EMP2: variants seen among roughly 807,000 people sequenced by gnomAD.
The protein encoded by EMP2 is epithelial membrane protein 2.
A neutral mutation model predicts 13.7 loss-of-function variants in EMP2; 19 were observed. That is an observed-to-expected ratio of 1.38 (90% CI 0.97 to 2.03). EMP2 has a LOEUF of 2.03. Ranked by LOEUF, EMP2 falls within the 30% of genes most tolerant of loss-of-function variation. The pLI, the probability that EMP2 is intolerant of heterozygous loss-of-function variation, is 0.00. For synonymous variants in EMP2, 97 were observed against 84.7 expected, an observed-to-expected ratio of 1.15 and a Z score of -0.80; for missense variants, 253 against 220.7, an observed-to-expected ratio of 1.15 and a Z score of -0.93.
chr16:10,547,431 C>T, intron 2 of EMP2, 109 bp downstream of exon 2: 3 of 1,165,024 alleles, frequency 2.6e-6, no homozygotes, highest in South Asian at 1.5e-5. Flanking sequence ...TATAAATTAC[C>T]TAGTCTCTGG....
At chr16:10,561,518 T>C (rs2050871225) in intron 1 of EMP2, among the ~76,000 whole-genome samples, 2 of 151,938 alleles carry the variant, frequency 1.3e-5, no homozygotes, top group African/African-American at 4.8e-5. Context: ...CAAGAGCACA[T>C]GATGGGACCC....
intron 1 of EMP2, among the ~76,000 whole-genome samples, chr16:10,554,188 T>A (rs1012143043): frequency 6.6e-6 from 1 of 152,098 alleles, no homozygotes; most frequent in Non-Finnish European, 1.5e-5. Context: ...TGGGCCACCA[T>A]GCCCAGCTAA....
chr16:10,542,419 CAAAA>C (rs2050707171), intron 3 of EMP2, among the ~76,000 whole-genome samples: 1 of 140,514 alleles, frequency 7.1e-6, no homozygotes, highest in Admixed American at 7.5e-5. Context: ...AACAAACAAA[CAAAA>C]ACCAAAAAAC....
chr16:10,547,107 C>A (rs558036573), intron 2 of EMP2: 1 of 154,318 alleles, frequency 6.5e-6, no homozygotes, highest in Admixed American at 6.5e-5. Flanking sequence ...ACATTGAGAA[C>A]TTTGGCAGGG....
At chr16:10,573,890 A>G (rs2050964070) in intron 1 of EMP2, among the ~76,000 whole-genome samples, 5 of 148,440 alleles carry the variant, frequency 3.4e-5, no homozygotes, top group Admixed American at 2.0e-4. Context: ...AAACTCAGTA[A>G]TGCCATAAAG....
chr16:10,546,052 C>T (rs1008023821), intron 2 of EMP2: 4 of 152,208 alleles, frequency 2.6e-5, no homozygotes, highest in African/African-American at 7.2e-5. Flanking sequence ...GGCCCTGAGG[C>T]GCAGTTCCTT....
chr16:10,534,331 G>A (rs1341520693), intron 4 of EMP2, among the ~76,000 whole-genome samples: 2 of 152,192 alleles, frequency 1.3e-5, no homozygotes, highest in East Asian at 3.8e-4. Flanking sequence ...AGTGCTTGAC[G>A]CAGACGCTGC....
At chr16:10,551,446 G>A (rs1596374965) in intron 1 of EMP2, among the ~76,000 whole-genome samples, 1 of 152,148 alleles carries the variant, frequency 6.6e-6, no homozygotes. Flanking sequence ...TTGCTCCGTT[G>A]CCCAGGCTGG....
chr16:10,577,568 TC>T (rs2050992097), intron 1 of EMP2, among the ~76,000 whole-genome samples: 2 of 151,920 alleles, frequency 1.3e-5, no homozygotes, highest in South Asian at 2.1e-4. Context: ...ACCACACCAA[TC>T]CCCATTCCTT....
At position 10,543,562 on chromosome 16, in the gene EMP2, A is replaced by G. The variant is rs2050717139; in HGVS notation, c.169+8T>C. On this transcript the variant is annotated splice_region_variant and intron_variant, in intron 3 of 4. Coordinates refer to ENST00000359543, the MANE Select transcript of EMP2 (RefSeq NM_001424.6). ...GCTTCTCAGTCAGCTTCCTTCATTCACACTTACCTTGAAAGCTGTCATTGA... is the reference window on the plus strand; with the variant it reads ...GCTTCTCAGTCAGCTTCCTTCATTCGCACTTACCTTGAAAGCTGTCATTGA... 6.2e-7 allele frequency: 1 copy of G among 1,613,880 alleles called. No homozygotes were observed. The highest frequency in any genetic ancestry group is 1.1e-5 in the South Asian group (1 of 91,084).
At position 10,532,859 on chromosome 16, in the gene EMP2, G is replaced by C; in HGVS notation, c.*46C>G. 8.9e-7 allele frequency: 1 copy of C among 1,119,212 alleles called. No individual in the cohort carries two copies. The highest frequency in any genetic ancestry group is 1.1e-6 in the Non-Finnish European group (1 of 900,242). 69.3% of individuals were successfully genotyped at this position (1,119,212 alleles called of 1,614,324 possible). A position where few individuals can be genotyped will look rare whatever the true frequency, so the allele number is the denominator to read the frequency against. Reference sequence around the variant, plus strand: ...ATGATTATATACAAAATGGTTATCTGAATGTGGATTCTGTACTGCAGCAGA... The same window carrying C: ...ATGATTATATACAAAATGGTTATCTCAATGTGGATTCTGTACTGCAGCAGA... On this transcript the variant is annotated 3_prime_UTR_variant, in exon 5 of 5. Coordinates refer to ENST00000359543, the MANE Select transcript of EMP2 (RefSeq NM_001424.6).
At chr16:10,574,347 T>A (rs893894159) in intron 1 of EMP2, among the ~76,000 whole-genome samples, 5 of 152,120 alleles carry the variant, frequency 3.3e-5, no homozygotes, top group African/African-American at 1.2e-4. Flanking sequence ...GATATTCTAT[T>A]CCAATAATGC....
intron 3 of EMP2, among the ~76,000 whole-genome samples, chr16:10,540,207 G>A (rs561344932): frequency 6.6e-6 from 1 of 152,260 alleles, no homozygotes; most frequent in South Asian, 2.1e-4. Flanking sequence ...ACTTTGCTCA[G>A]TTTAAATTCC....
intron 1 of EMP2, among the ~76,000 whole-genome samples, chr16:10,558,233 C>T (rs948962367): frequency 1.3e-5 from 2 of 152,008 alleles, no homozygotes; most frequent in Non-Finnish European, 2.9e-5. Context: ...TGCTGTGTTG[C>T]CCAGGCTGGT....
At chr16:10,573,763 A>G (rs767249525) in intron 1 of EMP2, among the ~76,000 whole-genome samples, 2 of 152,176 alleles carry the variant, frequency 1.3e-5, no homozygotes, top group African/African-American at 2.4e-5. Flanking sequence ...GTCTCCTTCC[A>G]GACATTGTTC....
At position 10,533,019 on chromosome 16, in the gene EMP2, G is replaced by C; in HGVS notation, c.390C>G (p.Phe130Leu). 6.2e-7 allele frequency: 1 copy of C among 1,611,728 alleles called. No individual in the cohort carries two copies. Among genetic ancestry groups the C allele is most frequent in the Non-Finnish European group, 8.5e-7 (1 of 1,178,944 alleles). ...AGCTGCCTTCTCTGGTCACGGGATAGAATTTCGCGTTTTTGTCGTGAATGT... is the reference window on the plus strand; with the variant it reads ...AGCTGCCTTCTCTGGTCACGGGATACAATTTCGCGTTTTTGTCGTGAATGT... ...REDIHDKNAK[F>L]YPVTREGSYG... The change falls in exon 5 of 5, where the codon TTC (phenylalanine) becomes TTG (leucine). Residue 130 changes from phenylalanine (F) to leucine (L), a missense_variant. By Grantham distance (22) the Phe-to-Leu change is conservative. Transcript: ENST00000359543.
Position 10,532,946 on chromosome 16 carries a change from T to C in EMP2, c.463A>G (p.Ile155Val), listed in dbSNP as rs1484527543. Residue 155 changes from isoleucine (I) to valine (V), a missense_variant, in exon 5 of 5, where the codon ATC becomes GTC. By Grantham distance (29) the Ile-to-Val change is conservative (BLOSUM62 3). Transcript: ENST00000359543. ...LAWVAFACTF[I>V]SGMMYLILRK... ...AGTATCAGGTACATCATGCCGCTGA[T>C]GAAGGTGCAGGCGAAGGCCACCCAC... The C allele has an allele frequency of 1.2e-6, 2 of 1,604,416 alleles. No homozygotes were observed. Among genetic ancestry groups the C allele is most frequent in the Non-Finnish European group, 1.7e-6 (2 of 1,174,876 alleles).
chr16:10,572,876 C>T (rs1351458141), intron 1 of EMP2, among the ~76,000 whole-genome samples: 3 of 152,128 alleles, frequency 2.0e-5, no homozygotes, highest in South Asian at 4.1e-4. Flanking sequence ...GGATGAGGAC[C>T]TCAAGGCTGG....
At chr16:10,564,490 CAAAAA>C (rs34683301) in intron 1 of EMP2, among the ~76,000 whole-genome samples, 3 of 70,880 alleles carry the variant, frequency 4.2e-5, no homozygotes, top group South Asian at 6.6e-4. Flanking sequence ...GACTCTGTCT[CAAAAA>C]AAAAAAAAAA....
Sources: gnomAD v4.1 joint callset for allele counts (sites outside exome capture counted in the v4.1 genomes callset) on GRCh38, gnomAD v4.1.1 for gene constraint, MANE v1.5 for transcripts, NCBI Gene and HGNC (gene_info 2026-07-23, HGNC 2026-07-21) for gene names.